Variants in SLC14A2 observed in about 807,000 individuals in gnomAD.
SLC14A2 encodes solute carrier family 14 member 2.
SLC14A2 carries 91 observed loss-of-function variants against 104.6 expected under a neutral mutation model. That is an observed-to-expected ratio of 0.87 (90% CI 0.73 to 1.04). The LOEUF is 1.04. Ranked by LOEUF, SLC14A2 falls within the 50% of genes least tolerant of loss-of-function variation. The probability of loss-of-function intolerance (pLI) is 0.00; values close to 1 mark genes in which losing one functional copy is unlikely to be tolerated. For missense variants in SLC14A2, 1,189 were observed against 1,156.0 expected (o/e 1.03, Z -0.41); for synonymous variants, 476 against 466.4 (o/e 1.02, Z -0.27).
chr18:45,232,808 C>T (rs1222034606), intron 1 of SLC14A2, among the ~76,000 whole-genome samples: 2 of 152,288 alleles, frequency 1.3e-5, no homozygotes, highest in East Asian at 3.9e-4. Flanking sequence ...TATTAAGCAG[C>T]TTATAGGCCC....
chr18:45,608,230 T>C (rs1374664213), intron 2 of SLC14A2, among the ~76,000 whole-genome samples: 2 of 152,224 alleles, frequency 1.3e-5, no homozygotes, highest in Non-Finnish European at 2.9e-5. Flanking sequence ...AAATATTTAC[T>C]TCAGCAGATC....
chr18:45,271,979 C>A (rs1274678525), intron 1 of SLC14A2, among the ~76,000 whole-genome samples: 1 of 152,024 alleles, frequency 6.6e-6, no homozygotes, highest in Admixed American at 6.6e-5. Flanking sequence ...GAATAGAGAA[C>A]CCAGAAACAA....
At position 45,407,072 on chromosome 18, in the gene SLC14A2, G is replaced by A. The variant is rs533195549; in HGVS notation, c.-124-76161G>A. Among the ~76,000 whole-genome samples, 92 of 152,264 alleles carry A rather than the reference G, an allele frequency of 6.0e-4. 1 individual carries two copies. In the South Asian group the frequency reaches 0.019, roughly 32 times the overall value. On this transcript the variant is annotated intron_variant, in intron 1 of 20. Transcript: ENST00000586448. Reference sequence around the variant, plus strand: ...TCACCCTGTCCTTTGAAGCTTTGAAGCCAGACATTGACTTCTCCTCCTGAG... The same window carrying A: ...TCACCCTGTCCTTTGAAGCTTTGAAACCAGACATTGACTTCTCCTCCTGAG...
chr18:45,679,061 C>T lies in SLC14A2; in HGVS notation c.2562+37C>T, dbSNP rs150902254. ...CAGGCTCAGAACGTGCCTACAACATCCTTCCTGGTGTCCTCTTGGCTTCCC... is the reference window on the plus strand; with the variant it reads ...CAGGCTCAGAACGTGCCTACAACATTCTTCCTGGTGTCCTCTTGGCTTCCC... On this transcript the variant is annotated intron_variant, in intron 19 of 19. Transcript: ENST00000255226. The T allele has an allele frequency of 1.9e-4, 299 of 1,600,448 alleles. 2 individuals are homozygous for T. The African/African-American group carries it at 2.3e-3, about 12-fold the overall frequency.
At chr18:45,339,651 A>G (rs2144279174) in intron 1 of SLC14A2, among the ~76,000 whole-genome samples, 1 of 152,322 alleles carries the variant, frequency 6.6e-6, no homozygotes, top group South Asian at 2.1e-4. Flanking sequence ...GAAGAGAATG[A>G]CCTGGATTGT....
At chr18:45,542,898 T>A (rs1434323229) in intron 2 of SLC14A2, among the ~76,000 whole-genome samples, 1 of 151,738 alleles carries the variant, frequency 6.6e-6, no homozygotes, top group Non-Finnish European at 1.5e-5. Context: ...TTAATATTTT[T>A]ATATAATCAT....
At chr18:45,508,806 A>C (rs2043323064) in intron 2 of SLC14A2, among the ~76,000 whole-genome samples, 1 of 152,242 alleles carries the variant, frequency 6.6e-6, no homozygotes, top group Non-Finnish European at 1.5e-5. Context: ...GGTTCAAGGC[A>C]TCATGCACAC....
In SLC14A2 at chr18:45,673,572, A is replaced by G. The variant is rs1202905570; in HGVS notation, c.2378-111A>G. On this transcript the variant is annotated intron_variant, in intron 17 of 19. Transcript: ENST00000255226. ...AGCCAGAAGTCCTTTTTGTATAACT[A>G]CCTAAGAAGATAACTGGCTCCGGGC... The G allele has an allele frequency of 2.5e-6, 3 of 1,203,942 alleles. No individual in the cohort carries two copies. The African/African-American group carries it at 4.6e-5, about 18-fold the overall frequency. 74.6% of individuals were successfully genotyped at this position (1,203,942 alleles called of 1,614,324 possible).
At chr18:45,422,446 AT>A (rs1278307685) in intron 1 of SLC14A2, among the ~76,000 whole-genome samples, 2 of 152,198 alleles carry the variant, frequency 1.3e-5, no homozygotes, top group Non-Finnish European at 2.9e-5. Flanking sequence ...GTATGAAAAC[AT>A]GGAAAAGGGA....
At position 45,624,761 on chromosome 18, in the gene SLC14A2, A is replaced by G. The variant is rs760635115; in HGVS notation, c.97A>G (p.Thr33Ala). The G allele has an allele frequency of 1.1e-5, 18 of 1,613,304 alleles. No homozygotes were observed. Among genetic ancestry groups the G allele is most frequent in the Admixed American group, 3.3e-5 (2 of 59,890 alleles). ...GTTTACCAGCCCGAGCTGGCCCTCG[A>G]CATCCCCGGATACTCACCCAGCTCT... Reference protein sequence around the residue: ...AEFTSPSWPSTSPDTHPALPL... With the variant: ...AEFTSPSWPSASPDTHPALPL... The change falls in exon 2 of 20, where the codon ACA becomes GCA. Residue 33 changes from threonine (T) to alanine (A), a missense_variant. By Grantham distance (58) the Thr-to-Ala change is moderately conservative (BLOSUM62 0). Transcript: ENST00000255226.
At chr18:45,430,795 C>T (rs1373409980) in intron 1 of SLC14A2, among the ~76,000 whole-genome samples, 1 of 152,036 alleles carries the variant, frequency 6.6e-6, no homozygotes, top group Non-Finnish European at 1.5e-5. Context: ...AAAGAGAGAG[C>T]TTGCAGAGAT....
chr18:45,448,330 G>A (rs1363594170), intron 1 of SLC14A2, among the ~76,000 whole-genome samples: 2 of 152,290 alleles, frequency 1.3e-5, no homozygotes, highest in African/African-American at 4.8e-5. Context: ...GAATTAAGAT[G>A]CCTATATAAT....
intron 1 of SLC14A2, among the ~76,000 whole-genome samples, chr18:45,262,817 A>C (rs1290832771): frequency 6.6e-6 from 1 of 152,202 alleles, no homozygotes; most frequent in Admixed American, 6.5e-5. Context: ...AGGCAACTCC[A>C]GCATGAGCCA....
chr18:45,347,683 C>G (rs2085463443), intron 1 of SLC14A2, among the ~76,000 whole-genome samples: 2 of 152,198 alleles, frequency 1.3e-5, no homozygotes, highest in Non-Finnish European at 2.9e-5. Flanking sequence ...CTACCTTATT[C>G]TGATACTTCC....
At chr18:45,526,933 C>A (rs2043600777) in intron 2 of SLC14A2, among the ~76,000 whole-genome samples, 1 of 152,090 alleles carries the variant, frequency 6.6e-6, no homozygotes, top group Admixed American at 6.6e-5. Flanking sequence ...GAAGAAGATT[C>A]TTGAAAATCA....
intron 1 of SLC14A2, among the ~76,000 whole-genome samples, chr18:45,401,693 G>A (rs953743639): frequency 6.6e-6 from 1 of 152,174 alleles, no homozygotes; most frequent in Non-Finnish European, 1.5e-5. Flanking sequence ...ATTATTTGGG[G>A]CAAAAAATTT....
At chr18:45,505,083 C>T (rs184253839) in intron 2 of SLC14A2, among the ~76,000 whole-genome samples, 3 of 152,264 alleles carry the variant, frequency 2.0e-5, no homozygotes, top group African/African-American at 4.8e-5. Context: ...AGTAAAGTGA[C>T]TCTAGGATCA....
intron 1 of SLC14A2, among the ~76,000 whole-genome samples, chr18:45,357,948 G>A (rs1321654038): frequency 6.6e-6 from 1 of 152,210 alleles, no homozygotes; most frequent in Non-Finnish European, 1.5e-5. Context: ...CAGCACAGAT[G>A]AGCTGGCAAG....
intron 1 of SLC14A2, among the ~76,000 whole-genome samples, chr18:45,411,282 G>A (rs1445763244): frequency 6.6e-6 from 1 of 152,126 alleles, no homozygotes; most frequent in Non-Finnish European, 1.5e-5. Context: ...TTTGTATTTA[G>A]CCTGGTAATC....
Sources: gnomAD v4.1 joint callset for allele counts (sites outside exome capture counted in the v4.1 genomes callset) on GRCh38, gnomAD v4.1.1 for gene constraint, MANE v1.5 for transcripts, NCBI Gene and HGNC (gene_info 2026-07-23, HGNC 2026-07-21) for gene names.